CFAP47: variants seen among roughly 807,000 people sequenced by gnomAD.
CFAP47 encodes the protein cilia- and flagella-associated protein 47.
CFAP47 carries 29 observed loss-of-function variants against 148.1 expected under a neutral mutation model. That is an observed-to-expected ratio of 0.20 (90% CI 0.15 to 0.27). CFAP47 has a LOEUF of 0.27. Ranked by LOEUF, CFAP47 falls within the 10% of genes least tolerant of loss-of-function variation. The pLI, the probability that CFAP47 is intolerant of heterozygous loss-of-function variation, is 1.00. For synonymous variants in CFAP47, 664 were observed against 577.3 expected (o/e 1.15, Z -2.15); for missense variants, 1,872 against 1,697.5 (o/e 1.10, Z -1.81).
At chrX:36,115,742 A>G (rs1938629491) in intron 33 of CFAP47, among the ~76,000 whole-genome samples, 1 of 112,045 alleles carries the variant, frequency 8.9e-6, no homozygotes, top group African/African-American at 3.2e-5. Context: ...TAGCTAACAG[A>G]TATAAAATTG....
chrX:36,217,859 C>G (rs1940173874), intron 45 of CFAP47, among the ~76,000 whole-genome samples: 1 of 111,760 alleles, frequency 8.9e-6, no homozygotes, highest in South Asian at 3.6e-4. Flanking sequence ...ACTCACTTTG[C>G]CTTTCATTGC....
At chrX:36,095,667 C>T (rs1938263525) in intron 30 of CFAP47, among the ~76,000 whole-genome samples, 1 of 110,761 alleles carries the variant, frequency 9.0e-6, no homozygotes, top group Non-Finnish European at 1.9e-5. Flanking sequence ...ATTTATAGGT[C>T]ATCGTAGCTA....
chrX:36,375,596 C>G (rs1942015459), intron 62 of CFAP47, among the ~76,000 whole-genome samples: 1 of 112,409 alleles, frequency 8.9e-6, no homozygotes, highest in African/African-American at 3.2e-5. Context: ...TCTGGATGAT[C>G]TATCCATTGT....
chrX:36,346,826 A>T (rs1831003169), intron 57 of CFAP47, among the ~76,000 whole-genome samples: 1 of 111,771 alleles, frequency 8.9e-6, no homozygotes, highest in Admixed American at 9.6e-5. Context: ...ACCTAGGACC[A>T]TAAAAATCCT....
chrX:36,054,559 A>G (rs1937538861), intron 26 of CFAP47, among the ~76,000 whole-genome samples: 2 of 111,442 alleles, frequency 1.8e-5, no homozygotes, highest in African/African-American at 6.5e-5. Flanking sequence ...CCTTAATTTT[A>G]TGTAATTTAA....
chrX:36,137,439 A>C (rs1290500532), intron 33 of CFAP47, among the ~76,000 whole-genome samples: 1 of 109,448 alleles, frequency 9.1e-6, no homozygotes, highest in African/African-American at 3.3e-5. Flanking sequence ...TCCTTTTACT[A>C]CTCCTCCATC....
At chrX:36,294,266 G>C (rs1941220276) in intron 51 of CFAP47, among the ~76,000 whole-genome samples, 1 of 111,312 alleles carries the variant, frequency 9.0e-6, no homozygotes, top group Non-Finnish European at 1.9e-5. Flanking sequence ...CTGGAGCAGA[G>C]GGTTGAAAAG....
intron 46 of CFAP47, among the ~76,000 whole-genome samples, chrX:36,235,361 C>T (rs1555994045): frequency 1.8e-5 from 2 of 112,325 alleles, no homozygotes; most frequent in Non-Finnish European, 3.8e-5. Context: ...GCCTTGCAGT[C>T]TGATCTCAGA....
chrX:36,243,659 A>G lies in CFAP47; in HGVS notation c.7332+6800A>G, dbSNP rs917820512. Among the ~76,000 whole-genome samples, 357 of 68,872 alleles carry G rather than the reference A, an allele frequency of 5.2e-3. 5 individuals are homozygous for G. The highest frequency in any genetic ancestry group is 0.037 in the East Asian group (105 of 2,811). 59.8% of individuals were successfully genotyped at this position (68,872 alleles called of 115,157 possible). A position where few individuals can be genotyped will look rare whatever the true frequency, so the allele number is the denominator to read the frequency against. On this transcript the variant is annotated intron_variant, in intron 48 of 63. Transcript: ENST00000378653. ...ATTATATGTGTGTGTATATATATAT[A>G]TATATATATATATATATATATATAT...
intron 2 of CFAP47, among the ~76,000 whole-genome samples, chrX:35,935,279 G>T (rs1320090412): frequency 8.9e-6 from 1 of 112,156 alleles, no homozygotes; most frequent in South Asian, 3.7e-4. Context: ...GGCTAGTGCT[G>T]GTTTAAATGT....
At chrX:36,222,838 A>C (rs1940227472) in intron 45 of CFAP47, among the ~76,000 whole-genome samples, 1 of 111,372 alleles carries the variant, frequency 9.0e-6, no homozygotes, top group South Asian at 3.7e-4. Context: ...AATGGGAAAA[A>C]TTTCACTTTA....
chrX:36,035,658 T>C, intron 23 of CFAP47, 37 bp from the exon 24 acceptor site: 1 of 292,149 alleles, frequency 3.4e-6, no homozygotes, highest in Non-Finnish European at 6.0e-6. Flanking sequence ...CATGCTATAA[T>C]TTTAAACTTT....
chrX:36,301,445 C>T (rs1173995579), intron 53 of CFAP47, among the ~76,000 whole-genome samples: 1 of 109,568 alleles, frequency 9.1e-6, no homozygotes, highest in East Asian at 2.9e-4. Context: ...TAGGGAAAGA[C>T]TCCCATCTTA....
At position 36,371,775 on chromosome X, in the gene CFAP47, CAT is replaced by C. The variant is rs1491340962; in HGVS notation, c.9185+4649_9185+4650del. Among the ~76,000 whole-genome samples, 58 of 44,046 alleles carry C rather than the reference CAT, an allele frequency of 1.3e-3. 10 individuals carry two copies. In the South Asian group the frequency reaches 0.033, roughly 25 times the overall value. The allele number at this position is 44,046 out of a possible 115,157, so 38.2% of individuals were successfully genotyped here. ...ATACACACATGTGTGTATATACACA[CAT>C]GTGTATATATGTGTGTATATACACA... On this transcript the variant is annotated intron_variant, in intron 62 of 63. Coordinates refer to ENST00000378653, the MANE Select transcript of CFAP47 (RefSeq NM_001304548.2).
chrX:36,089,622 A>G (rs1327938173), intron 30 of CFAP47, among the ~76,000 whole-genome samples: 2 of 111,120 alleles, frequency 1.8e-5, no homozygotes, highest in East Asian at 2.8e-4. Flanking sequence ...TGCACAAGTT[A>G]CTTCACCCGT....
At position 35,975,744 on chromosome X, in the gene CFAP47, A is replaced by T; in HGVS notation, c.2544A>T (p.Thr848=). Residue 848 remains threonine, a synonymous_variant, in exon 15 of 64, where the codon ACA becomes ACT. Transcript: ENST00000378653. ...ILVVAVVQPV[T]LELSSNELVL... ...TGGTGGCAGTTGTCCAGCCAGTAAC[A>T]CTTGAGCTATCTTCTAATGAGCTAG... The T allele has an allele frequency of 7.4e-6, 9 of 1,209,539 alleles. No individual in the cohort carries two copies. Among genetic ancestry groups the T allele is most frequent in the Non-Finnish European group, 1.0e-5 (9 of 893,521 alleles).
At chrX:36,094,499 A>G (rs1215314074) in intron 30 of CFAP47, among the ~76,000 whole-genome samples, 8 of 111,424 alleles carry the variant, frequency 7.2e-5, no homozygotes. Context: ...ATTCCAATTC[A>G]TGAACATGGA....
intron 42 of CFAP47, among the ~76,000 whole-genome samples, chrX:36,191,175 A>G (rs1457228685): frequency 9.0e-6 from 1 of 111,591 alleles, no homozygotes; most frequent in Non-Finnish European, 1.9e-5. Context: ...ATTTAAGTAA[A>G]TTCCTGCATA....
rs941977816 is a variant in CFAP47 at position 36,046,951 on chromosome X, C to G, written c.4105C>G (p.Pro1369Ala). 2.6e-6 allele frequency: 3 copies of G among 1,159,855 alleles called. No homozygotes were observed. Among genetic ancestry groups the G allele is most frequent in the Non-Finnish European group, 3.5e-6 (3 of 868,375 alleles). ...GAAATTTCCAAAAGGCAGAGTCATC[C>G]CAGGCTCTCACAGTGGAATTAATAA... is the stretch of plus-strand genomic sequence containing the variant. The part of the protein sequence containing the change: ...SVKFPKGRVI[P>A]GSHSGINNKL... Residue 1369 changes from proline (P) to alanine (A), a missense_variant, in exon 26 of 64, where the codon CCA becomes GCA. Physicochemically the swap from Pro to Ala is conservative, Grantham distance 27 (BLOSUM62 -1). Coordinates refer to ENST00000378653, the MANE Select transcript of CFAP47 (RefSeq NM_001304548.2).
Sources: gnomAD v4.1 joint callset for allele counts (sites outside exome capture counted in the v4.1 genomes callset) on GRCh38, gnomAD v4.1.1 for gene constraint, MANE v1.5 for transcripts, NCBI Gene and HGNC (gene_info 2026-07-23, HGNC 2026-07-21) for gene names.